RBFOX1: variants seen among roughly 807,000 people sequenced by gnomAD.
RBFOX1 encodes the protein RNA binding fox-1 homolog 1, also known as RNA binding protein fox-1 homolog 1.
Under a neutral mutation model 57.7 loss-of-function variants are expected in RBFOX1, and 8 were observed. The ratio of observed to expected loss-of-function variants is 0.14; its 90% CI spans 0.08 to 0.25. The LOEUF (loss-of-function observed/expected upper bound fraction) is 0.25, where lower values mean the gene tolerates loss of function less well. Among genes scored for constraint, RBFOX1 ranks in the 10% least tolerant of loss-of-function variants. The pLI, the probability that RBFOX1 is intolerant of heterozygous loss-of-function variation, is 1.00. For synonymous variants in RBFOX1, 326 were observed against 222.4 expected, an observed-to-expected ratio of 1.47 and a Z score of -4.15; for missense variants, 611 against 548.5, an observed-to-expected ratio of 1.11 and a Z score of -1.14.
intron 13 of RBFOX1, among the ~76,000 whole-genome samples, chr16:7,665,226 T>A (rs2068884564): frequency 6.6e-6 from 1 of 152,160 alleles, no homozygotes; most frequent in Admixed American, 6.5e-5. Context: ...AAGGTGGCAT[T>A]TCTTTCATGC....
chr16:6,687,091 A>C (rs2059546756), intron 3 of RBFOX1, among the ~76,000 whole-genome samples: 2 of 152,228 alleles, frequency 1.3e-5, no homozygotes, highest in African/African-American at 4.8e-5. Context: ...AAAGAATCAC[A>C]CTTACAGATG....
At chr16:6,871,636 C>G (rs576245507) in intron 3 of RBFOX1, among the ~76,000 whole-genome samples, 1 of 152,072 alleles carries the variant, frequency 6.6e-6, no homozygotes, top group Non-Finnish European at 1.5e-5. Context: ...TTCCCTCCTG[C>G]CTGGAGTGCT....
chr16:5,593,722 A>G lies in RBFOX1; in HGVS notation c.259-5180A>G, dbSNP rs576107885. Reference sequence around the variant, plus strand: ...TTGTTTTGCGTATCAAGAAATAACCATAAAAATGGGCAACCAGCAGCCCTG... The same window carrying G: ...TTGTTTTGCGTATCAAGAAATAACCGTAAAAATGGGCAACCAGCAGCCCTG... On this transcript the variant is annotated intron_variant, in intron 2 of 2. Coordinates refer to the RBFOX1 transcript ENST00000585867. Among the ~76,000 whole-genome samples the G allele has an allele frequency of 1.8e-3, 272 of 152,318 alleles. 1 individual carries two copies. The highest frequency in any genetic ancestry group is 3.1e-3 in the Non-Finnish European group (213 of 68,034).
intron 11 of RBFOX1, among the ~76,000 whole-genome samples, chr16:7,645,997 A>T (rs546672912): frequency 2.3e-4 from 33 of 145,878 alleles, no homozygotes; most frequent in East Asian, 4.1e-4. Flanking sequence ...GGATTTTTTT[A>T]AAAAAAGAAA....
At chr16:5,660,167 T>C (rs1360838807) in intron 3 of RBFOX1, among the ~76,000 whole-genome samples, 1 of 152,176 alleles carries the variant, frequency 6.6e-6, no homozygotes, top group Non-Finnish European at 1.5e-5. Flanking sequence ...CTGGGGGACC[T>C]GGAGTGTGGA....
chr16:6,959,252 G>T (rs76145398), intron 3 of RBFOX1, among the ~76,000 whole-genome samples: 6 of 152,248 alleles, frequency 3.9e-5, no homozygotes, highest in African/African-American at 1.4e-4. Context: ...GGGACAGGCA[G>T]ATTTTGTGAG....
At chr16:7,475,770 G>A (rs1188209659) in intron 4 of RBFOX1, among the ~76,000 whole-genome samples, 1 of 152,164 alleles carries the variant, frequency 6.6e-6, no homozygotes, top group Non-Finnish European at 1.5e-5. Flanking sequence ...ATTTGATTGT[G>A]TTAAAGTATT....
At chr16:6,899,562 A>G (rs1317686047) in intron 3 of RBFOX1, among the ~76,000 whole-genome samples, 1 of 152,216 alleles carries the variant, frequency 6.6e-6, no homozygotes, top group Non-Finnish European at 1.5e-5. Flanking sequence ...TTACAACTCC[A>G]TCTCTCACCA....
At chr16:6,216,765 A>G (rs2097338300) in intron 1 of RBFOX1, among the ~76,000 whole-genome samples, 1 of 152,204 alleles carries the variant, frequency 6.6e-6, no homozygotes, top group Admixed American at 6.5e-5. Context: ...CCTGAAAACT[A>G]AAAAGCAAAT....
At chr16:5,943,020 C>G (rs905367005) in intron 4 of RBFOX1, among the ~76,000 whole-genome samples, 3 of 152,192 alleles carry the variant, frequency 2.0e-5, no homozygotes, top group Non-Finnish European at 4.4e-5. Context: ...TGACCACAAG[C>G]TCAGTATGGG....
At chr16:7,338,133 C>T (rs1339966833) in intron 4 of RBFOX1, among the ~76,000 whole-genome samples, 1 of 152,170 alleles carries the variant, frequency 6.6e-6, no homozygotes, top group East Asian at 1.9e-4. Context: ...TGGTTGTTTG[C>T]TGCACCTATT....
At chr16:7,399,321 C>T (rs767226925) in intron 4 of RBFOX1, among the ~76,000 whole-genome samples, 11 of 152,106 alleles carry the variant, frequency 7.2e-5, no homozygotes, top group Non-Finnish European at 1.5e-4. Flanking sequence ...ATGGCGCATG[C>T]CTGTAATCGC....
At chr16:5,835,336 C>G (rs2056424699) in intron 3 of RBFOX1, among the ~76,000 whole-genome samples, 1 of 152,208 alleles carries the variant, frequency 6.6e-6, no homozygotes, top group South Asian at 2.1e-4. Context: ...GACAACTAAG[C>G]ACAGCATTGC....
At chr16:5,794,587 G>C (rs1037691270) in intron 3 of RBFOX1, among the ~76,000 whole-genome samples, 2 of 152,162 alleles carry the variant, frequency 1.3e-5, no homozygotes, top group African/African-American at 4.8e-5. Flanking sequence ...GGGCAGGTCA[G>C]ATGTTGTGTG....
At chr16:7,023,349 A>G (rs187697222) in intron 3 of RBFOX1, among the ~76,000 whole-genome samples, 3 of 151,752 alleles carry the variant, frequency 2.0e-5, no homozygotes, top group African/African-American at 4.8e-5. Context: ...AATCCCAGCT[A>G]CTTGGGAGGC....
chr16:6,779,939 A>ATATATTTATATATTTATATATATT, intron 3 of RBFOX1, among the ~76,000 whole-genome samples: 21 of 7,438 alleles, frequency 2.8e-3, no homozygotes, highest in African/African-American at 0.011. Context: ...ATATATATTT[A>ATATATTTATATATTTATATATATT]TATATATTTA....
At chr16:5,318,503 C>G (rs572386793) in intron 1 of RBFOX1, among the ~76,000 whole-genome samples, 1 of 152,160 alleles carries the variant, frequency 6.6e-6, no homozygotes, top group Non-Finnish European at 1.5e-5. Flanking sequence ...GTAAATGATG[C>G]CTGTCCCCTC....
chr16:6,090,583 C>G (rs572878091), intron 1 of RBFOX1, among the ~76,000 whole-genome samples: 61 of 152,308 alleles, frequency 4.0e-4, no homozygotes, highest in African/African-American at 1.4e-3. Flanking sequence ...ATTCTGATGA[C>G]TTTGTAGATC....
At chr16:6,228,064 C>G (rs112705635) in intron 1 of RBFOX1, among the ~76,000 whole-genome samples, 28,757 of 152,078 alleles carry the variant, frequency 0.19, 3,450 homozygotes, top group East Asian at 0.41. Context: ...TAATCCCAGC[C>G]CTTTAGGAAG....
Sources: gnomAD v4.1 joint callset for allele counts (sites outside exome capture counted in the v4.1 genomes callset) on GRCh38, gnomAD v4.1.1 for gene constraint, MANE v1.5 for transcripts, NCBI Gene and HGNC (gene_info 2026-07-23, HGNC 2026-07-21) for gene names.